GATAD2A: variants seen among roughly 807,000 people sequenced by gnomAD.
GATAD2A encodes GATA zinc finger domain containing 2A.
Under a neutral mutation model 68.5 loss-of-function variants are expected in GATAD2A, and 12 were observed. The ratio of observed to expected loss-of-function variants is 0.18; its 90% CI spans 0.11 to 0.28. The LOEUF (loss-of-function observed/expected upper bound fraction) is 0.28. Ranked by LOEUF, GATAD2A falls within the 10% of genes least tolerant of loss-of-function variation. The pLI is 1.00. For missense variants in GATAD2A, 755 were observed against 868.5 expected (o/e 0.87, Z 1.64); for synonymous variants, 410 against 375.3 (o/e 1.09, Z -1.07).
At chr19:19,404,246 A>G (rs1057322273), upstream of GATAD2A, among the ~76,000 whole-genome samples, 1 of 150,780 alleles carries the variant, frequency 6.6e-6, no homozygotes, top group Non-Finnish European at 1.5e-5. Context: ...GGGGACATAC[A>G]GCAGAAAAAC....
At chr19:19,433,378 C>G (rs751865769) in intron 1 of GATAD2A, among the ~76,000 whole-genome samples, 61 of 152,222 alleles carry the variant, frequency 4.0e-4, no homozygotes, top group Middle Eastern at 3.4e-3. Flanking sequence ...GTAAGTCCTC[C>G]AAATTTGTGC....
At chr19:19,468,628 A>T (rs1020325285) in intron 2 of GATAD2A, among the ~76,000 whole-genome samples, 3 of 152,252 alleles carry the variant, frequency 2.0e-5, no homozygotes, top group African/African-American at 7.2e-5. Context: ...CTGACTCGAG[A>T]CAATGGAAAC....
chr19:19,450,721 TC>T (rs1220385771), intron 1 of GATAD2A, among the ~76,000 whole-genome samples: 1 of 149,922 alleles, frequency 6.7e-6, no homozygotes, highest in African/African-American at 2.5e-5. Flanking sequence ...ATGCTTTCTT[TC>T]ACCAAGCAAC....
chr19:19,447,969 C>T (rs544191941), intron 1 of GATAD2A, among the ~76,000 whole-genome samples: 1 of 152,236 alleles, frequency 6.6e-6, no homozygotes, highest in Non-Finnish European at 1.5e-5. Context: ...GCCACAGCTT[C>T]GCCTGGCTCA....
At chr19:19,478,078 T>C (rs1240748079) in intron 2 of GATAD2A, among the ~76,000 whole-genome samples, 1 of 152,184 alleles carries the variant, frequency 6.6e-6, no homozygotes, top group Non-Finnish European at 1.5e-5. Flanking sequence ...AAATTTTTAG[T>C]ACCTCTCACT....
intron 1 of GATAD2A, among the ~76,000 whole-genome samples, chr19:19,429,027 T>C (rs1161919141): frequency 1.3e-5 from 2 of 151,744 alleles, no homozygotes; most frequent in Non-Finnish European, 2.9e-5. Flanking sequence ...GTTTTTTTTT[T>C]TTTTTTTGCC....
chr19:19,388,128 G>A (rs2048585384), intron 1 of GATAD2A, among the ~76,000 whole-genome samples: 1 of 150,958 alleles, frequency 6.6e-6, no homozygotes, highest in East Asian at 2.0e-4. Context: ...GTGATCTCTG[G>A]CTCACCGCAA....
In GATAD2A at chr19:19,501,568, G is replaced by T. The variant is rs2060524518; in HGVS notation, c.1503+152G>T. On this transcript the variant is annotated intron_variant, in intron 9 of 11. Transcript: ENST00000683918. ...TGGGCGGCAAAAACACTAATTTGCA[G>T]TTTCTTTAGACTTTGTAGCTCTCAC... 1.4e-5 allele frequency: 9 copies of T among 659,684 alleles called. 1 individual carries two copies. The South Asian group carries it at 1.6e-4, about 11-fold the overall frequency. The allele number at this position is 659,684 out of a possible 1,614,324, so 40.9% of individuals were successfully genotyped here.
At chr19:19,406,451 C>CGCGGCGGCG (rs535696257) in intron 1 of GATAD2A, among the ~76,000 whole-genome samples, 100 of 147,212 alleles carry the variant, frequency 6.8e-4, no homozygotes, top group East Asian at 6.6e-4. Flanking sequence ...CGCTGAACCC[C>CGCGGCGGCG]GCGGCGGCGG....
chr19:19,445,351 A>G (rs887947689), intron 1 of GATAD2A, among the ~76,000 whole-genome samples: 1 of 152,160 alleles, frequency 6.6e-6, no homozygotes, highest in African/African-American at 2.4e-5. Flanking sequence ...GTTCATGGCT[A>G]TTGGAATTAG....
At chr19:19,443,655 G>C (rs532806372) in intron 1 of GATAD2A, among the ~76,000 whole-genome samples, 1 of 152,288 alleles carries the variant, frequency 6.6e-6, no homozygotes, top group African/African-American at 2.4e-5. Flanking sequence ...GTGGACCTGG[G>C]TGGTAAGCAC....
At position 19,501,407 on chromosome 19, in the gene GATAD2A, G is replaced by A. The variant is rs567072389; in HGVS notation, c.1494G>A (p.Val498=). Residue 498 remains valine (V), a synonymous_variant, in exon 9 of 12, where the codon GTG becomes GTA. Transcript: ENST00000683918. The part of the protein sequence containing the change: ...KAEPTAAPHP[V]LKQVIKPRRK... ...AGCCCACCGCTGCCCCACACCCCGTGCTGAAGCAGGTGAGCCTGGCCTGCT... is the reference window on the plus strand; with the variant it reads ...AGCCCACCGCTGCCCCACACCCCGTACTGAAGCAGGTGAGCCTGGCCTGCT... 12 of 1,594,962 alleles carry A rather than the reference G, an allele frequency of 7.5e-6. No individual in the cohort carries two copies. In the Admixed American group the frequency reaches 1.7e-4, roughly 23 times the overall value.
At chr19:19,461,976 A>G (rs9917108) in intron 1 of GATAD2A, among the ~76,000 whole-genome samples, 65,618 of 152,030 alleles carry the variant, frequency 0.43, 15,566 homozygotes, top group African/African-American at 0.63. Flanking sequence ...CTCCCGCACA[A>G]CCCTTGCCTG....
chr19:19,467,113 C>T (rs144612657), intron 2 of GATAD2A, among the ~76,000 whole-genome samples: 2,155 of 152,320 alleles, frequency 0.014, 57 homozygotes, highest in African/African-American at 0.049. Flanking sequence ...CGGTGACTCA[C>T]GCCTGTAATC....
At chr19:19,386,613 T>A (rs1048594430) in intron 1 of GATAD2A, among the ~76,000 whole-genome samples, 6 of 143,358 alleles carry the variant, frequency 4.2e-5, no homozygotes, top group African/African-American at 1.6e-4. Flanking sequence ...TTCTAGAGGA[T>A]CCCCACCTCT....
chr19:19,429,255 G>A (rs79086869), intron 1 of GATAD2A: 1 of 983,028 alleles, frequency 1.0e-6, no homozygotes, highest in Non-Finnish European at 1.2e-6. Flanking sequence ...TGAGGGGCTG[G>A]GGGGGAGAGC....
chr19:19,479,543 A>G (rs1297670271), intron 2 of GATAD2A, among the ~76,000 whole-genome samples: 2 of 152,104 alleles, frequency 1.3e-5, no homozygotes, highest in African/African-American at 4.8e-5. Context: ...TTACCTTGTC[A>G]GTTTTGAGGA....
At chr19:19,487,250 C>T (rs955833522) in intron 2 of GATAD2A, among the ~76,000 whole-genome samples, 4 of 152,216 alleles carry the variant, frequency 2.6e-5, no homozygotes, top group Non-Finnish European at 5.9e-5. Context: ...AACACCTTGT[C>T]CCTTGTTGGG....
At chr19:19,462,195 C>T (rs148756121) in intron 1 of GATAD2A, among the ~76,000 whole-genome samples, 1,973 of 152,296 alleles carry the variant, frequency 0.013, 51 homozygotes, top group African/African-American at 0.046. Context: ...GCTTGCTGTG[C>T]GGTGGCCGCC....
Sources: gnomAD v4.1 joint callset for allele counts (sites outside exome capture counted in the v4.1 genomes callset) on GRCh38, gnomAD v4.1.1 for gene constraint, MANE v1.5 for transcripts, NCBI Gene and HGNC (gene_info 2026-07-23, HGNC 2026-07-21) for gene names.